DOCK1: variants seen among roughly 807,000 people sequenced by gnomAD.
The protein encoded by DOCK1 is dedicator of cytokinesis protein 1.
Under a neutral mutation model 262.7 loss-of-function variants are expected in DOCK1, and 138 were observed. That is an observed-to-expected ratio of 0.53 (90% CI 0.46 to 0.61). The LOEUF (loss-of-function observed/expected upper bound fraction) is 0.61. DOCK1 is among the 20% of genes least tolerant of loss of function. DOCK1 has a pLI of 0.00. For synonymous variants in DOCK1, 866 were observed against 867.4 expected (o/e 1.00, Z 0.03); for missense variants, 1,908 against 2,370.7 (o/e 0.80, Z 4.05).
At chr10:127,094,301 T>C (rs1028559779) in intron 23 of DOCK1, among the ~76,000 whole-genome samples, 3 of 152,232 alleles carry the variant, frequency 2.0e-5, no homozygotes, top group African/African-American at 4.8e-5. Flanking sequence ...TTAAATGATA[T>C]TACACAGGTT....
At chr10:127,204,143 G>A (rs1050025790) in intron 27 of DOCK1, among the ~76,000 whole-genome samples, 2 of 152,168 alleles carry the variant, frequency 1.3e-5, no homozygotes, top group African/African-American at 4.8e-5. Flanking sequence ...CCTAGATTGA[G>A]AGGGGAAAGG....
At chr10:126,934,045 G>A (rs2034375009) in intron 1 of DOCK1, among the ~76,000 whole-genome samples, 1 of 152,058 alleles carries the variant, frequency 6.6e-6, no homozygotes, top group Non-Finnish European at 1.5e-5. Flanking sequence ...TCGAACTCCT[G>A]ACCTTGTAAT....
intron 1 of DOCK1, among the ~76,000 whole-genome samples, chr10:126,934,369 C>G (rs938115235): frequency 2.0e-5 from 3 of 152,214 alleles, no homozygotes; most frequent in Admixed American, 2.0e-4. Context: ...GAGTGTGACC[C>G]ACGTGCTGTG....
At chr10:127,393,736 G>A (rs1342218812) in intron 38 of DOCK1, among the ~76,000 whole-genome samples, 1 of 152,082 alleles carries the variant, frequency 6.6e-6, no homozygotes, top group Non-Finnish European at 1.5e-5. Flanking sequence ...TCTTCCCCAC[G>A]GAATCATTCT....
At chr10:127,377,786 G>A (rs1344757303) in intron 35 of DOCK1, among the ~76,000 whole-genome samples, 2 of 151,750 alleles carry the variant, frequency 1.3e-5, no homozygotes, top group Non-Finnish European at 2.9e-5. Flanking sequence ...CAGGTACTCG[G>A]GAGGCTGAGG....
In DOCK1 at chr10:127,093,227, C is replaced by CTTTTCT. The variant is rs748178663; in HGVS notation, c.2446-13001_2446-13000insTCTTTT. On this transcript the variant is annotated intron_variant, in intron 23 of 51. Transcript: ENST00000623213. ...CTTTCTTTCTTTCTTTCTTTTCTTT[C>CTTTTCT]TTTCTTTCTTTCTTCTTTTTTTTTT... Among the ~76,000 whole-genome samples the CTTTTCT allele has an allele frequency of 3.7e-3, 253 of 67,856 alleles. 2 individuals carry two copies. Among genetic ancestry groups the CTTTTCT allele is most frequent in the Non-Finnish European group, 5.0e-3 (157 of 31,224 alleles). 44.5% of individuals were successfully genotyped at this position (67,856 alleles called of 152,430 possible).
At chr10:127,110,504 A>T in intron 25 of DOCK1, 150 bp downstream of exon 25, 2 of 689,502 alleles carry the variant, frequency 2.9e-6, no homozygotes, top group Non-Finnish European at 5.0e-6. Context: ...TAGCCCTTAC[A>T]AGAGAAGGGT....
intron 23 of DOCK1, among the ~76,000 whole-genome samples, chr10:127,063,342 G>A (rs1028480876): frequency 2.0e-5 from 3 of 152,162 alleles, no homozygotes; most frequent in South Asian, 2.1e-4. Flanking sequence ...GTGCTGAGAC[G>A]TGGCTGATGG....
intron 30 of DOCK1, among the ~76,000 whole-genome samples, chr10:127,343,371 T>C (rs2386831): frequency 0.065 from 9,855 of 152,256 alleles, 381 homozygotes; most frequent in Non-Finnish European, 0.074. Context: ...AAATTCACAT[T>C]TTATCCATGA....
intron 29 of DOCK1, among the ~76,000 whole-genome samples, chr10:127,312,416 C>G (rs2062095404): frequency 6.6e-6 from 1 of 152,148 alleles, no homozygotes; most frequent in African/African-American, 2.4e-5. Context: ...GGCTCCCAGG[C>G]CCTATGCACT....
At chr10:127,024,883 C>A (rs2042718815) in intron 15 of DOCK1, 100 bp downstream of exon 15, 2 of 1,039,624 alleles carry the variant, frequency 1.9e-6, no homozygotes, top group Non-Finnish European at 2.7e-6. Flanking sequence ...CCGGGAGCTG[C>A]TCCAGGCAGG....
chr10:127,328,937 A>G (rs1265287557), intron 29 of DOCK1, among the ~76,000 whole-genome samples: 1 of 151,114 alleles, frequency 6.6e-6, no homozygotes, highest in African/African-American at 2.4e-5. Flanking sequence ...GATTTTATAT[A>G]TATAAATAAA....
At chr10:127,312,273 A>G (rs2062090114) in intron 29 of DOCK1, among the ~76,000 whole-genome samples, 1 of 152,168 alleles carries the variant, frequency 6.6e-6, no homozygotes, top group South Asian at 2.1e-4. Flanking sequence ...GTCCATAGAA[A>G]TAGCGGTGAT....
chr10:127,107,737 C>T (rs2048617809), intron 24 of DOCK1, among the ~76,000 whole-genome samples: 1 of 152,220 alleles, frequency 6.6e-6, no homozygotes, highest in Non-Finnish European at 1.5e-5. Context: ...AACCTCCCTC[C>T]CCGTGCAGGT....
intron 38 of DOCK1, among the ~76,000 whole-genome samples, chr10:127,385,372 C>A (rs538038348): frequency 3.9e-5 from 6 of 152,176 alleles, no homozygotes; most frequent in Non-Finnish European, 5.9e-5. Flanking sequence ...TCATTTTAAT[C>A]AGCCAGTATT....
At chr10:127,433,237 G>C (rs1206287595) in intron 47 of DOCK1, 46 bp from the exon 48 acceptor site, 13 of 1,603,762 alleles carry the variant, frequency 8.1e-6, no homozygotes, top group Non-Finnish European at 1.1e-5. Flanking sequence ...ACCATGGCAG[G>C]CACAGGCATC....
At chr10:127,004,512 T>G (rs1465448913) in intron 10 of DOCK1, among the ~76,000 whole-genome samples, 1 of 151,816 alleles carries the variant, frequency 6.6e-6, no homozygotes, top group Non-Finnish European at 1.5e-5. Context: ...TTTGGGAGGC[T>G]GAGGAAGGCA....
At chr10:126,974,625 G>T (rs768490655) in intron 2 of DOCK1, among the ~76,000 whole-genome samples, 1 of 152,088 alleles carries the variant, frequency 6.6e-6, no homozygotes, top group South Asian at 2.1e-4. Context: ...CCAGGTAATC[G>T]TTCCGTTCTG....
intron 27 of DOCK1, among the ~76,000 whole-genome samples, chr10:127,179,234 G>C (rs1294971616): frequency 6.6e-6 from 1 of 152,142 alleles, no homozygotes; most frequent in Non-Finnish European, 1.5e-5. Flanking sequence ...AAATATTCTA[G>C]GTCTTGGACG....
Sources: gnomAD v4.1 joint callset for allele counts (sites outside exome capture counted in the v4.1 genomes callset) on GRCh38, gnomAD v4.1.1 for gene constraint, MANE v1.5 for transcripts, NCBI Gene and HGNC (gene_info 2026-07-23, HGNC 2026-07-21) for gene names.